The following SPINK5 variants were observed in gnomAD, a reference collection of about 807,000 sequenced individuals.
SPINK5 encodes serine protease inhibitor Kazal-type 5.
In SPINK5, 125 loss-of-function variants were observed where a neutral mutation model predicts 151.8. The ratio of observed to expected loss-of-function variants is 0.82; its 90% CI spans 0.71 to 0.96. The LOEUF (loss-of-function observed/expected upper bound fraction) is 0.96. Ranked by LOEUF, SPINK5 falls within the 40% of genes least tolerant of loss-of-function variation. SPINK5 has a pLI of 0.00. For synonymous variants in SPINK5, 374 were observed against 395.3 expected, an observed-to-expected ratio of 0.95 and a Z score of 0.64; for missense variants, 1,194 against 1,291.9, an observed-to-expected ratio of 0.92 and a Z score of 1.16.
chr5:148,109,427 A>C (rs12659942), intron 18 of SPINK5, among the ~76,000 whole-genome samples: 22,131 of 151,600 alleles, frequency 0.15, 2,104 homozygotes, highest in East Asian at 0.32. Flanking sequence ...GAGGACTTGG[A>C]AGCTGACATA....
At chr5:148,130,725 A>G (rs11168030) in intron 30 of SPINK5, among the ~76,000 whole-genome samples, 85,342 of 151,930 alleles carry the variant, frequency 0.56, 24,687 homozygotes, top group Admixed American at 0.65. Flanking sequence ...ATCTGTTTTA[A>G]TCCCTTCAAG....
chr5:148,107,096 G>A lies in SPINK5; in HGVS notation c.1539G>A (p.Glu513=), dbSNP rs184512279. ...ATGGAACACTTATATGCACCAGGGAGCATAATCCTGTCCGTGGCCCAGATG... is the reference window on the plus strand; with the variant it reads ...ATGGAACACTTATATGCACCAGGGAACATAATCCTGTCCGTGGCCCAGATG... ...VRNGTLICTR[E]HNPVRGPDGK... Residue 513 remains glutamate, a synonymous_variant, in exon 17 of 33, where the codon GAG becomes GAA. Transcript: ENST00000256084. 63 of 1,613,382 alleles carry A rather than the reference G, an allele frequency of 3.9e-5. No homozygotes were observed. In the African/African-American group the frequency reaches 6.8e-4, roughly 17 times the overall value.
chr5:148,125,016 C>T, intron 28 of SPINK5, 179 bp downstream of exon 28: 1 of 906,018 alleles, frequency 1.1e-6, no homozygotes, highest in Non-Finnish European at 1.5e-6. Flanking sequence ...GGTTTGATAC[C>T]TTTTTTGATT....
chr5:148,076,864 C>G (rs1466875658), intron 4 of SPINK5, among the ~76,000 whole-genome samples: 1 of 151,338 alleles, frequency 6.6e-6, no homozygotes, highest in African/African-American at 2.4e-5. Context: ...ATTTGTGAAT[C>G]CTTAAAAAAG....
chr5:148,104,939 C>T lies in SPINK5; in HGVS notation c.1431-13C>T, dbSNP rs375240260. The T allele has an allele frequency of 3.7e-5, 60 of 1,605,820 alleles. No individual in the cohort carries two copies. Among genetic ancestry groups the T allele is most frequent in the Admixed American group, 1.4e-4 (8 of 58,748 alleles). Reference sequence around the variant, plus strand: ...TCCATTTCTTCTCTCTTTTTCTTTTCGGTTTCTTAAAGTCAACAAGAAGAA... The same window carrying T: ...TCCATTTCTTCTCTCTTTTTCTTTTTGGTTTCTTAAAGTCAACAAGAAGAA... On this transcript the variant is annotated splice_polypyrimidine_tract_variant and intron_variant, in intron 15 of 32. Transcript: ENST00000256084.
At chr5:148,098,808 T>C (rs1753550166) in intron 11 of SPINK5, among the ~76,000 whole-genome samples, 1 of 152,046 alleles carries the variant, frequency 6.6e-6, no homozygotes, top group Non-Finnish European at 1.5e-5. Flanking sequence ...AGTCATATCC[T>C]GAGATGTAGC....
chr5:148,091,076 A>G, intron 7 of SPINK5, 89 bp from the exon 8 acceptor site: 2 of 1,075,602 alleles, frequency 1.9e-6, no homozygotes, highest in Non-Finnish European at 2.8e-6. Flanking sequence ...AATTCGTAGC[A>G]GAGGATATGA....
chr5:148,104,911 A>C (rs1187239858), intron 15 of SPINK5, 41 bp from the exon 16 acceptor site: 1 of 1,590,420 alleles, frequency 6.3e-7, no homozygotes, highest in South Asian at 1.1e-5. Flanking sequence ...AGAAAAAAAA[A>C]AATCCATTTC....
chr5:148,133,657 T>C (rs1021070041), intron 31 of SPINK5, 140 bp from the exon 32 acceptor site: 4 of 753,788 alleles, frequency 5.3e-6, no homozygotes, highest in Non-Finnish European at 9.3e-6. Context: ...AAAATGAAAG[T>C]AGTTGAATGC....
intron 29 of SPINK5, 54 bp from the exon 30 acceptor site, chr5:148,126,929 G>A: frequency 7.2e-7 from 1 of 1,392,592 alleles, no homozygotes; most frequent in South Asian, 1.3e-5. Flanking sequence ...ACTTCTCACT[G>A]GAAGTTATAG....
At chr5:148,089,363 T>A in intron 6 of SPINK5, 131 bp from the exon 7 acceptor site, 1 of 1,182,862 alleles carries the variant, frequency 8.5e-7, no homozygotes. Flanking sequence ...CTGAGCTACA[T>A]CTACACAGCT....
In SPINK5 at chr5:148,099,497, TC is replaced by T. The variant is rs1399168706; in HGVS notation, c.1092+183del. Reference sequence around the variant, plus strand: ...CCATTCTTGCTGATTAAAAACTAACTCTGCAAAAAAAAAAAAAAAAAATTGT... The same window carrying T: ...CCATTCTTGCTGATTAAAAACTAACTTGCAAAAAAAAAAAAAAAAAATTGT... On this transcript the variant is annotated intron_variant, in intron 12 of 32. Coordinates refer to ENST00000256084, the MANE Select transcript of SPINK5 (RefSeq NM_006846.4). 2.4e-4 allele frequency among the ~76,000 whole-genome samples: 6 copies of T among 24,490 alleles called. No homozygotes were observed. The East Asian group carries it at 0.013, about 51-fold the overall frequency. The allele number at this position is 24,490 out of a possible 152,430, so 16.1% of individuals were successfully genotyped here.
chr5:148,124,894 C>CA, intron 28 of SPINK5, 57 bp downstream of exon 28: 1 of 1,497,472 alleles, frequency 6.7e-7, no homozygotes, highest in Non-Finnish European at 8.9e-7. Flanking sequence ...CAGAATTTTG[C>CA]ATTCTTCTCC....
rs777537093 is a variant in SPINK5, at chr5:148,118,493, G to A, written c.2169G>A (p.Arg723=). ...AAAATGGAAGACTCAGCTGTACTCGGGAGAGTGATCCTGTACGTGATGCTG... is the reference window on the plus strand; with the variant it reads ...AAAATGGAAGACTCAGCTGTACTCGAGAGAGTGATCCTGTACGTGATGCTG... The part of the protein sequence containing the change: ...QMKNGRLSCT[R]ESDPVRDADG... The change falls in exon 23 of 33, where the codon CGG becomes CGA. Residue 723 remains arginine, a synonymous_variant. Transcript: ENST00000256084. 2 of 1,614,132 alleles carry A rather than the reference G, an allele frequency of 1.2e-6. No individual in the cohort carries two copies. Among genetic ancestry groups the A allele is most frequent in the Admixed American group, 3.3e-5 (2 of 60,014 alleles).
At chr5:148,097,743 G>A in intron 10 of SPINK5, 124 bp from the exon 11 acceptor site, 1 of 969,874 alleles carries the variant, frequency 1.0e-6, no homozygotes, top group South Asian at 1.7e-5. Flanking sequence ...ATTTTTGGAT[G>A]GTCCTAAATC....
chr5:148,065,559 A>G (rs889882848), intron 2 of SPINK5, 187 bp downstream of exon 2: 22 of 603,172 alleles, frequency 3.6e-5, no homozygotes, highest in African/African-American at 9.2e-5. Flanking sequence ...ACACACACAC[A>G]CACACACACA....
intron 30 of SPINK5, among the ~76,000 whole-genome samples, chr5:148,129,013 T>A (rs536003012): frequency 6.6e-5 from 10 of 152,068 alleles, no homozygotes; most frequent in Middle Eastern, 3.4e-3. Flanking sequence ...GGGGAGGGGA[T>A]ACAATTTTAA....
rs747065960 is a variant in SPINK5 at position 148,118,528 on chromosome 5, C to T, written c.2204C>T (p.Ser735Leu). The change falls in exon 23 of 33, where the codon TCG becomes TTG. Residue 735 changes from serine (S) to leucine (L), a missense_variant. Transcript: ENST00000256084. ...CCTGTACGTGATGCTGATGGCAAAT[C>T]GTACAACAATCAGTGTACCATGTGT... ...SDPVRDADGKSYNNQCTMCKA... is the reference protein window; with the variant it reads ...SDPVRDADGKLYNNQCTMCKA... The T allele has an allele frequency of 9.3e-6, 15 of 1,614,054 alleles. No homozygotes were observed. Among genetic ancestry groups the T allele is most frequent in the East Asian group, 8.9e-5 (4 of 44,870 alleles).
In SPINK5 at chr5:148,108,856, C is replaced by T. The variant is rs200018020; in HGVS notation, c.1692+19C>T. 1.7e-5 allele frequency: 27 copies of T among 1,610,766 alleles called. No homozygotes were observed. Among genetic ancestry groups the T allele is most frequent in the Middle Eastern group, 1.7e-4 (1 of 6,048 alleles). On this transcript the variant is annotated intron_variant, in intron 18 of 32. Transcript: ENST00000256084. The stretch of plus-strand genomic sequence containing the variant: ...AGTTCAGGTAGTTGTTTGAGATCAT[C>T]AGAGCCACATAAATATTCAACGATC...
Sources: allele counts gnomAD v4.1 joint callset (sites outside exome capture counted in the v4.1 genomes callset), GRCh38; gene constraint gnomAD v4.1.1; transcripts MANE v1.5; gene names NCBI Gene and HGNC (gene_info 2026-07-23, HGNC 2026-07-21).